ENTPD5: variants seen among roughly 807,000 people sequenced by gnomAD.
The protein encoded by ENTPD5 is ectonucleoside triphosphate diphosphohydrolase 5 (inactive).
Under a neutral mutation model 60.2 loss-of-function variants are expected in ENTPD5, and 49 were observed. That is an observed-to-expected ratio of 0.81 (90% CI 0.65 to 1.03). ENTPD5 has a LOEUF of 1.03. Ranked by LOEUF, ENTPD5 falls within the 50% of genes least tolerant of loss-of-function variation. ENTPD5 has a pLI of 0.00. For missense variants in ENTPD5, 480 were observed against 507.6 expected (o/e 0.95, Z 0.52); for synonymous variants, 187 against 185.4 (o/e 1.01, Z -0.07).
chr14:73,977,383 A>G lies in ENTPD5; in HGVS notation c.442-9T>C, dbSNP rs775559861. ...CTGAAGATCTCCTTTACCTAGAGAAAAAGGAAAAAAAAAAAAAAAGAATTC... is the reference window on the plus strand; with the variant it reads ...CTGAAGATCTCCTTTACCTAGAGAAGAAGGAAAAAAAAAAAAAAAGAATTC... On this transcript the variant is annotated splice_polypyrimidine_tract_variant and intron_variant, in intron 6 of 15. Transcript: ENST00000334696. 6.5e-7 allele frequency: 1 copy of G among 1,530,596 alleles called. No homozygotes were observed. The allele number at this position is 1,530,596 out of a possible 1,614,324, so 94.8% of individuals were successfully genotyped here. A position where few individuals can be genotyped will look rare whatever the true frequency, so the allele number is the denominator to read the frequency against.
intron 3 of ENTPD5, chr14:73,996,398 A>T (rs1360173052): frequency 6.4e-6 from 1 of 157,084 alleles, no homozygotes; most frequent in African/African-American, 2.4e-5. Context: ...TCAGCAACTC[A>T]TTTCTGTGTT....
chr14:73,969,330 C>T (rs1357834411), intron 15 of ENTPD5, among the ~76,000 whole-genome samples: 1 of 152,192 alleles, frequency 6.6e-6, no homozygotes, highest in Non-Finnish European at 1.5e-5. Flanking sequence ...CCTGCTTGCA[C>T]CGTGTCTTCT....
downstream of ENTPD5, chr14:73,961,613 A>G (rs1448015018): frequency 2.5e-6 from 4 of 1,609,432 alleles, no homozygotes; most frequent in African/African-American, 5.3e-5. Flanking sequence ...GAGGTCATAT[A>G]GTTAGGCAAG....
chr14:73,992,621 C>A (rs1416005486), intron 3 of ENTPD5, among the ~76,000 whole-genome samples: 1 of 147,112 alleles, frequency 6.8e-6, no homozygotes, highest in African/African-American at 2.5e-5. Context: ...GAGGCAAAGG[C>A]TGCAGCAAGC....
intron 1 of ENTPD5, among the ~76,000 whole-genome samples, chr14:74,016,433 T>TC (rs1454076019): frequency 3.3e-5 from 5 of 152,146 alleles, no homozygotes; most frequent in African/African-American, 1.2e-4. Context: ...GCTCAGGAGT[T>TC]CAAGACCAGC....
intron 14 of ENTPD5, among the ~76,000 whole-genome samples, chr14:73,971,408 T>G (rs2057219795): frequency 6.6e-6 from 1 of 152,150 alleles, no homozygotes; most frequent in Admixed American, 6.6e-5. Flanking sequence ...CCGCCCACCT[T>G]GGCCTCCCAA....
chr14:73,955,805 G>T, downstream of ENTPD5: 5 of 1,614,130 alleles, frequency 3.1e-6, no homozygotes, highest in Non-Finnish European at 4.2e-6. Context: ...GTGTTTCCAG[G>T]TGTGGGACGC....
At chr14:73,998,180 G>A (rs2058395840) in intron 3 of ENTPD5, among the ~76,000 whole-genome samples, 1 of 152,090 alleles carries the variant, frequency 6.6e-6, no homozygotes, top group Non-Finnish European at 1.5e-5. Context: ...GGTGCTGAGG[G>A]CAGTCACACC....
chr14:74,004,315 C>T (rs1420196599), intron 3 of ENTPD5, among the ~76,000 whole-genome samples: 1 of 151,902 alleles, frequency 6.6e-6, no homozygotes, highest in Non-Finnish European at 1.5e-5. Context: ...CTACAGGCAC[C>T]CCCCACCACA....
chr14:74,001,699 A>AAAG lies in ENTPD5; in HGVS notation c.-71+9389_-71+9391dup, dbSNP rs1566759679. Among the ~76,000 whole-genome samples, 664 of 118,154 alleles carry AAAG rather than the reference A, an allele frequency of 5.6e-3. 6 individuals carry two copies. The highest frequency in any genetic ancestry group is 0.021 in the African/African-American group (638 of 30,816). The allele number at this position is 118,154 out of a possible 152,430, so 77.5% of individuals were successfully genotyped here. On this transcript the variant is annotated intron_variant, in intron 3 of 15. Transcript: ENST00000334696. ...AAAAAAAAAAAAAAAAAAAAAAAAA[A>AAAG]AAGCCAGGCATGGTGGTACACACCT...
At position 73,966,830 on chromosome 14, in the gene ENTPD5, A is replaced by G. The variant is rs570699998; in HGVS notation, c.*98T>C. ...TAATTAAACCTAAATCTCTAGGCTC[A>G]AGTCCAGGATGTCCCCAGACTAGTT... is the stretch of plus-strand genomic sequence containing the variant. On this transcript the variant is annotated 3_prime_UTR_variant, in exon 16 of 16. Transcript: ENST00000334696. 6.3e-5 allele frequency: 56 copies of G among 890,598 alleles called. No individual in the cohort carries two copies. In the African/African-American group the frequency reaches 8.5e-4, roughly 14 times the overall value. The allele number at this position is 890,598 out of a possible 1,614,324, so 55.2% of individuals were successfully genotyped here. A position where few individuals can be genotyped will look rare whatever the true frequency, so the allele number is the denominator to read the frequency against.
intron 3 of ENTPD5, among the ~76,000 whole-genome samples, chr14:74,002,385 T>G (rs549832209): frequency 1.5e-3 from 227 of 152,204 alleles, no homozygotes; most frequent in African/African-American, 5.3e-3. Context: ...TCCATCAGGA[T>G]GTGAAAGTCT....
rs1216504448 is a variant in ENTPD5, at chr14:73,964,219, ATGT to A, written c.*2706_*2708del. On this transcript the variant is annotated 3_prime_UTR_variant, in exon 16 of 16. Coordinates refer to ENST00000334696, the MANE Select transcript of ENTPD5 (RefSeq NM_001249.5). ...AGAGAGTGTTCTTCATATGACAATG[ATGT>A]TAAACACCATCTGTCACGTACCAGG... 1.3e-5 allele frequency: 2 copies of A among 152,174 alleles called. No individual in the cohort carries two copies. The highest frequency in any genetic ancestry group is 2.9e-5 in the Non-Finnish European group (2 of 68,034). The allele number at this position is 152,174 out of a possible 1,614,324, so 9.4% of individuals were successfully genotyped here.
intron 3 of ENTPD5, among the ~76,000 whole-genome samples, chr14:73,994,927 T>C (rs56287558): frequency 0.18 from 26,980 of 151,902 alleles, 3,068 homozygotes; most frequent in African/African-American, 0.32. Flanking sequence ...CTTTTCTGTT[T>C]ATTTTTCTCC....
intron 6 of ENTPD5, among the ~76,000 whole-genome samples, chr14:73,979,023 A>G (rs1380238087): frequency 6.6e-6 from 1 of 152,088 alleles, no homozygotes; most frequent in East Asian, 1.9e-4. Context: ...CTTACCTCTC[A>G]TATCGCTCTT....
chr14:73,975,944 A>G lies in ENTPD5; in HGVS notation c.714T>C (p.Tyr238=), dbSNP rs764776876. The G allele has an allele frequency of 1.9e-6, 3 of 1,610,998 alleles. No homozygotes were observed. In the South Asian group the frequency reaches 3.3e-5, roughly 18 times the overall value. Residue 238 remains tyrosine, a synonymous_variant, in exon 10 of 16, where the codon TAT becomes TAC. Coordinates refer to ENST00000334696, the MANE Select transcript of ENTPD5 (RefSeq NM_001249.5). ...CCTGTCCCCGTCCTCACCTATGTGT[A>G]TAGAGCTTATAAGTGCTGTTAAACA... The part of the protein sequence containing the change: ...FEMFNSTYKL[Y]THSYLGFGLK...
chr14:73,991,587 TAA>T (rs71460938), intron 3 of ENTPD5, among the ~76,000 whole-genome samples: 5 of 60,850 alleles, frequency 8.2e-5, no homozygotes, highest in Admixed American at 1.8e-4. Flanking sequence ...GAATCTGTCT[TAA>T]AAAAAAAAAA....
chr14:74,017,767 T>G (rs1164110747), intron 1 of ENTPD5, among the ~76,000 whole-genome samples: 1 of 142,412 alleles, frequency 7.0e-6, no homozygotes, highest in East Asian at 2.1e-4. Context: ...GCACCTATAG[T>G]CTGTTACTGG....
intron 5 of ENTPD5, among the ~76,000 whole-genome samples, chr14:73,985,531 A>T (rs1395323639): frequency 6.6e-6 from 1 of 152,164 alleles, no homozygotes; most frequent in African/African-American, 2.4e-5. Context: ...TTGGCTGCAT[A>T]AATGTCTTCT....
Sources: gnomAD v4.1 joint callset for allele counts (sites outside exome capture counted in the v4.1 genomes callset) on GRCh38, gnomAD v4.1.1 for gene constraint, MANE v1.5 for transcripts, NCBI Gene and HGNC (gene_info 2026-07-23, HGNC 2026-07-21) for gene names.